EP300: variants seen among roughly 807,000 people sequenced by gnomAD.
The protein encoded by EP300 is EP300 lysine acetyltransferase, also known as histone acetyltransferase p300.
A neutral mutation model predicts 264.0 loss-of-function variants in EP300; 31 were observed. The observed-to-expected ratio is 0.12, with a 90% CI of 0.09 to 0.16. EP300 has a LOEUF of 0.16. EP300 is among the 10% of genes least tolerant of loss of function. The probability of loss-of-function intolerance (pLI) is 1.00; values close to 1 mark genes in which losing one functional copy is unlikely to be tolerated. For missense variants in EP300, 2,766 were observed against 3,052.9 expected, an observed-to-expected ratio of 0.91 and a Z score of 2.21; for synonymous variants, 1,340 against 1,045.4, an observed-to-expected ratio of 1.28 and a Z score of -5.44.
At position 41,126,036 on chromosome 22, in the gene EP300, A is replaced by G. The variant is rs778066441; in HGVS notation, c.902A>G (p.Asn301Ser). 9.9e-6 allele frequency: 16 copies of G among 1,613,996 alleles called. No individual in the cohort carries two copies. The Admixed American group carries it at 2.0e-4, about 20-fold the overall frequency. ...GCAGTTCCTGGTGGAGGAATGCCCA[A>G]CATGGTGAGTACTAATCCATTACAG... ...KKAVPGGGMP[N>S]MGQQPAPQVQ... The change falls in exon 3 of 31, where the codon AAC becomes AGC. Residue 301 changes from asparagine (N) to serine (S), a missense_variant. Physicochemically the swap from Asn to Ser is conservative, Grantham distance 46. Transcript: ENST00000263253.
intron 23 of EP300, among the ~76,000 whole-genome samples, chr22:41,167,560 TTGTG>T (rs71328777): frequency 0.016 from 816 of 50,780 alleles, 28 homozygotes; most frequent in African/African-American, 0.05. Context: ...GTTTATATAT[TTGTG>T]TGTGTGTGTG....
Position 41,117,227 on chromosome 22 carries a change from T to C in EP300, c.135T>C (p.Asp45=), listed in dbSNP as rs1428593650. Residue 45 remains aspartate, a synonymous_variant, in exon 2 of 31, where the codon GAT becomes GAC. Coordinates refer to ENST00000263253, the MANE Select transcript of EP300 (RefSeq NM_001429.4). ...TTGACTTGGAGCACGACTTACCAGA[T>C]GAATTAATCAACTCTACAGAATTGG... ...SLFDLEHDLP[D]ELINSTELGL... is the part of the protein sequence containing the mutation. 6.2e-7 allele frequency: 1 copy of C among 1,614,248 alleles called. No individual in the cohort carries two copies. The highest frequency in any genetic ancestry group is 8.5e-7 in the Non-Finnish European group (1 of 1,180,042).
intron 27 of EP300, 120 bp from the exon 28 acceptor site, chr22:41,172,379 T>TC: frequency 1.1e-6 from 1 of 906,092 alleles, no homozygotes; most frequent in South Asian, 1.5e-5. Flanking sequence ...AGGTATAAAG[T>TC]CTCTGCCAGC....
intron 16 of EP300, among the ~76,000 whole-genome samples, chr22:41,152,983 C>G (rs2059055801): frequency 6.6e-6 from 1 of 152,164 alleles, no homozygotes; most frequent in Admixed American, 6.5e-5. Flanking sequence ...GTCTCGATCT[C>G]TTGACCTGGT....
intron 1 of EP300, among the ~76,000 whole-genome samples, chr22:41,107,065 C>T (rs1454360757): frequency 6.6e-6 from 1 of 151,990 alleles, no homozygotes; most frequent in Non-Finnish European, 1.5e-5. Flanking sequence ...CACCATCACC[C>T]CCGGCTCATT....
In EP300 at chr22:41,154,980, CTTT is replaced by C; in HGVS notation, c.3143-6_3143-4del. Reference sequence around the variant, plus strand: ...TAATTGGTAACTAATTTCAAATGCACTTTTTTTTTTTAAGTTTTCAAACCAGAA... The same window carrying C: ...TAATTGGTAACTAATTTCAAATGCACTTTTTTTTAAGTTTTCAAACCAGAA... On this transcript the variant is annotated splice_polypyrimidine_tract_variant and intron_variant, in intron 16 of 30. Transcript: ENST00000263253. The C allele has an allele frequency of 8.4e-7, 1 of 1,194,428 alleles. No homozygotes were observed. Among genetic ancestry groups the C allele is most frequent in the South Asian group, 1.4e-5 (1 of 72,062 alleles). The allele number at this position is 1,194,428 out of a possible 1,614,324, so 74.0% of individuals were successfully genotyped here.
chr22:41,122,157 C>CTTTTTTTTTTTTT (rs71328774), intron 2 of EP300, among the ~76,000 whole-genome samples: 16 of 35,842 alleles, frequency 4.5e-4, no homozygotes, highest in East Asian at 1.7e-3. Flanking sequence ...TCTTCTTCTT[C>CTTTTTTTTTTTTT]TTTTTTTTTT....
rs151147205 is a variant in EP300, at chr22:41,146,762, A to G, written c.2077A>G (p.Met693Val). The change falls in exon 11 of 31, where the codon ATG becomes GTG. Residue 693 changes from methionine to valine, a missense_variant. Met to Val is a conservative substitution (Grantham distance 21). Transcript: ENST00000263253. ...TSNGPLPDPS[M>V]IRGSVPNQMM... ...AGATGGCCCTCTACCTGACCCAAGT[A>G]TGATCCGTGGCAGTGTGCCAAACCA... 172 of 1,614,066 alleles carry G rather than the reference A, an allele frequency of 1.1e-4. No individual in the cohort carries two copies. Among genetic ancestry groups the G allele is most frequent in the Non-Finnish European group, 1.4e-4 (160 of 1,180,022 alleles).
chr22:41,100,555 G>GA (rs34914831), intron 1 of EP300, among the ~76,000 whole-genome samples: 3 of 151,964 alleles, frequency 2.0e-5, no homozygotes, highest in Non-Finnish European at 2.9e-5. Context: ...ATATTTAGGG[G>GA]AAAAAAATCC....
chr22:41,132,279 T>A (rs1435632756), intron 6 of EP300, among the ~76,000 whole-genome samples: 1 of 134,818 alleles, frequency 7.4e-6, no homozygotes, highest in Non-Finnish European at 1.5e-5. Flanking sequence ...TATGTCATTC[T>A]TTCATTCTTT....
intron 23 of EP300, chr22:41,168,224 A>C (rs1471973297): frequency 2.7e-5 from 15 of 563,290 alleles, no homozygotes; most frequent in Non-Finnish European, 4.8e-5. Context: ...TGTCTGCTTT[A>C]ATAGCACATG....
chr22:41,132,462 A>G (rs2058926102), intron 6 of EP300, among the ~76,000 whole-genome samples: 1 of 151,232 alleles, frequency 6.6e-6, no homozygotes, highest in South Asian at 2.1e-4. Flanking sequence ...TAATTTTTGT[A>G]TTTTTAGTAG....
intron 1 of EP300, among the ~76,000 whole-genome samples, chr22:41,105,409 C>CT (rs1249948526): frequency 6.7e-6 from 1 of 149,670 alleles, no homozygotes; most frequent in African/African-American, 2.5e-5. Flanking sequence ...TTGTTTGTTT[C>CT]TTTTTTTGAG....
chr22:41,113,747 C>T (rs1336627234), intron 1 of EP300, among the ~76,000 whole-genome samples: 2 of 152,108 alleles, frequency 1.3e-5, no homozygotes, highest in Admixed American at 6.5e-5. Context: ...GGGGTTTCAC[C>T]GTGTTATCCA....
chr22:41,114,221 A>G (rs9619940), intron 1 of EP300, among the ~76,000 whole-genome samples: 4,279 of 152,054 alleles, frequency 0.028, 189 homozygotes, highest in African/African-American at 0.099. Context: ...TCGCTCTGTC[A>G]CCCAGGCTAG....
intron 2 of EP300, among the ~76,000 whole-genome samples, chr22:41,122,739 A>G (rs2058859835): frequency 6.6e-6 from 1 of 152,126 alleles, no homozygotes; most frequent in African/African-American, 2.4e-5. Context: ...TTTGCAGAGT[A>G]TAGATATTGC....
chr22:41,117,845 G>T, intron 2 of EP300, 24 bp downstream of exon 2: 1 of 1,613,032 alleles, frequency 6.2e-7, no homozygotes, highest in South Asian at 1.1e-5. Flanking sequence ...TGGTTTGTGT[G>T]CACAATCGGC....
chr22:41,093,139 C>T lies in EP300; in HGVS notation c.94+41C>T, dbSNP rs201866159. 1.5e-3 allele frequency: 2,358 copies of T among 1,581,908 alleles called. 3 individuals carry two copies. Among genetic ancestry groups the T allele is most frequent in the Non-Finnish European group, 1.9e-3 (2,202 of 1,151,026 alleles). On this transcript the variant is annotated intron_variant, in intron 1 of 30. Coordinates refer to ENST00000263253, the MANE Select transcript of EP300 (RefSeq NM_001429.4). ...CCCGGCCTTCCACGTTCCCTTTAATCTTTTCTACTCGGTGCGCCTTTATTC... is the reference window on the plus strand; with the variant it reads ...CCCGGCCTTCCACGTTCCCTTTAATTTTTTCTACTCGGTGCGCCTTTATTC...
chr22:41,119,175 A>ATTATT (rs1301631658), intron 2 of EP300, among the ~76,000 whole-genome samples: 9 of 112,990 alleles, frequency 8.0e-5, no homozygotes, highest in African/African-American at 3.6e-4. Context: ...GCTTATTATT[A>ATTATT]TTTTTTTTTT....
Sources: gnomAD v4.1 joint callset for allele counts (sites outside exome capture counted in the v4.1 genomes callset) on GRCh38, gnomAD v4.1.1 for gene constraint, MANE v1.5 for transcripts, NCBI Gene and HGNC (gene_info 2026-07-23, HGNC 2026-07-21) for gene names.